The following SERGEF variants were observed in gnomAD, a reference collection of about 807,000 sequenced individuals.
The protein encoded by SERGEF is secretion-regulating guanine nucleotide exchange factor.
SERGEF carries 51 observed loss-of-function variants against 50.0 expected under a neutral mutation model. The observed-to-expected ratio is 1.02, with a 90% CI of 0.81 to 1.29. The LOEUF (loss-of-function observed/expected upper bound fraction) is 1.29. SERGEF is among the 50% of genes most tolerant of loss of function. SERGEF has a pLI of 0.00. For synonymous variants in SERGEF, 205 were observed against 212.4 expected (o/e 0.97, Z 0.30); for missense variants, 521 against 557.0 (o/e 0.94, Z 0.65).
At chr11:18,001,539 C>T (rs79936564) in intron 4 of SERGEF, among the ~76,000 whole-genome samples, 3 of 152,276 alleles carry the variant, frequency 2.0e-5, no homozygotes, top group East Asian at 1.9e-4. Flanking sequence ...TACAGGTCCA[C>T]GGAGATTGCA....
chr11:18,008,556 T>C (rs542803812), intron 1 of SERGEF, among the ~76,000 whole-genome samples: 3 of 152,340 alleles, frequency 2.0e-5, no homozygotes, highest in South Asian at 4.1e-4. Flanking sequence ...TATGAGGTCC[T>C]TGGCCTAGCC....
chr11:17,961,068 A>G (rs1454711971), intron 8 of SERGEF, among the ~76,000 whole-genome samples: 5 of 152,190 alleles, frequency 3.3e-5, no homozygotes, highest in Non-Finnish European at 5.9e-5. Context: ...AGAAAGGGTG[A>G]AAGTCACCCT....
chr11:17,883,355 C>T (rs1851371653), intron 9 of SERGEF, among the ~76,000 whole-genome samples: 1 of 152,210 alleles, frequency 6.6e-6, no homozygotes, highest in Admixed American at 6.5e-5. Context: ...TGCTTGCCAA[C>T]TGTTGGATGT....
chr11:17,904,932 C>T (rs1330089624), intron 9 of SERGEF, among the ~76,000 whole-genome samples: 1 of 152,218 alleles, frequency 6.6e-6, no homozygotes, highest in African/African-American at 2.4e-5. Flanking sequence ...ATGGGTTCAT[C>T]TGTTTTTCCA....
At chr11:17,896,640 G>GGGGAAGGGAAGGGGAAC (rs1851635584) in intron 9 of SERGEF, among the ~76,000 whole-genome samples, 1 of 48,036 alleles carries the variant, frequency 2.1e-5, no homozygotes, top group Non-Finnish European at 4.4e-5. Context: ...GGGAAGGGAA[G>GGGGAAGGGAAGGGGAAC]GGGAAGGGAA....
At chr11:17,910,890 AGGGCC>A (rs1851939514) in intron 9 of SERGEF, among the ~76,000 whole-genome samples, 1 of 152,214 alleles carries the variant, frequency 6.6e-6, no homozygotes, top group African/African-American at 2.4e-5. Flanking sequence ...GGTGGCCAGG[AGGGCC>A]TCGTGGCTCA....
chr11:17,984,235 A>G (rs1034414204), intron 8 of SERGEF, among the ~76,000 whole-genome samples: 1 of 152,158 alleles, frequency 6.6e-6, no homozygotes, highest in Non-Finnish European at 1.5e-5. Flanking sequence ...TAAAGAGAAG[A>G]GGTTTAATTG....
chr11:17,935,170 T>C (rs1213700981), intron 9 of SERGEF, among the ~76,000 whole-genome samples: 1 of 151,908 alleles, frequency 6.6e-6, no homozygotes. Context: ...TAAAATAAAA[T>C]AAAATAAAAT....
rs749913415 is a variant in SERGEF at position 17,992,883 on chromosome 11, T to G, written c.685+48A>C. 12 of 1,498,724 alleles carry G rather than the reference T, an allele frequency of 8.0e-6. No individual in the cohort carries two copies. The East Asian group carries it at 2.5e-4, about 31-fold the overall frequency. 92.8% of individuals were successfully genotyped at this position (1,498,724 alleles called of 1,614,324 possible). On this transcript the variant is annotated intron_variant, in intron 7 of 10. Transcript: ENST00000265965. The stretch of plus-strand genomic sequence containing the variant: ...AATATCACCACTTCAGGCAGTCACA[T>G]ACAGAATCCTGAATGGCATGTTAAA...
intron 9 of SERGEF, among the ~76,000 whole-genome samples, chr11:17,938,223 G>A (rs924214790): frequency 3.3e-5 from 5 of 152,192 alleles, no homozygotes; most frequent in African/African-American, 1.2e-4. Flanking sequence ...GGAAAGGAAA[G>A]GAGGAGTCAG....
intron 9 of SERGEF, among the ~76,000 whole-genome samples, chr11:17,900,705 G>C: frequency 6.6e-6 from 1 of 152,168 alleles, no homozygotes; most frequent in Admixed American, 6.5e-5. Context: ...GTGTTACTAT[G>C]CCAGTTATAA....
chr11:17,792,998 T>C (rs1287184189), intron 10 of SERGEF, among the ~76,000 whole-genome samples: 2 of 152,206 alleles, frequency 1.3e-5, no homozygotes, highest in African/African-American at 2.4e-5. Flanking sequence ...ACACATATTA[T>C]AGACTATGGC....
intron 10 of SERGEF, chr11:17,877,887 C>A: frequency 4.3e-6 from 1 of 231,486 alleles, no homozygotes. Flanking sequence ...AGAAGCAGTC[C>A]AATCATTCTT....
At chr11:17,948,080 C>T (rs954858891) in intron 9 of SERGEF, among the ~76,000 whole-genome samples, 10 of 151,700 alleles carry the variant, frequency 6.6e-5, no homozygotes, top group Admixed American at 2.0e-4. Context: ...ACTACAGGTA[C>T]ACATCGCCAT....
intron 10 of SERGEF, among the ~76,000 whole-genome samples, chr11:17,861,713 A>T (rs949382443): frequency 6.6e-5 from 10 of 152,244 alleles, no homozygotes; most frequent in Non-Finnish European, 1.2e-4. Context: ...GGAAGAGAAA[A>T]GGGCTGGCTT....
In SERGEF at chr11:17,798,855, C is replaced by A. The variant is rs144625422; in HGVS notation, c.1049-10442G>T. On this transcript the variant is annotated intron_variant, in intron 10 of 10. Coordinates refer to ENST00000265965, the MANE Select transcript of SERGEF (RefSeq NM_012139.4). ...CTCTGGGAAGAAGATATTTTGGTCA[C>A]ACTCTGTGGATGAGGAAACAGGCTG... is the stretch of plus-strand genomic sequence containing the variant. 4.4e-3 allele frequency among the ~76,000 whole-genome samples: 671 copies of A among 152,314 alleles called. 9 individuals are homozygous for A. The highest frequency in any genetic ancestry group is 0.016 in the African/African-American group (650 of 41,574).
chr11:17,958,310 G>T (rs1274488225), intron 9 of SERGEF, among the ~76,000 whole-genome samples: 1 of 151,946 alleles, frequency 6.6e-6, no homozygotes, highest in Non-Finnish European at 1.5e-5. Flanking sequence ...AATTTTTTTT[G>T]ACTGACTCTG....
chr11:17,859,816 G>T (rs1274191783), intron 10 of SERGEF, among the ~76,000 whole-genome samples: 1 of 152,194 alleles, frequency 6.6e-6, no homozygotes, highest in Non-Finnish European at 1.5e-5. Context: ...TGCCAACCTA[G>T]ATTTCTACAA....
At chr11:17,959,361 C>T in intron 9 of SERGEF, 109 bp downstream of exon 9, 8 of 999,874 alleles carry the variant, frequency 8.0e-6, no homozygotes, top group Non-Finnish European at 1.0e-5. Context: ...CTTCTGATTC[C>T]TACATGGTAC....
Sources: allele counts gnomAD v4.1 joint callset (sites outside exome capture counted in the v4.1 genomes callset), GRCh38; gene constraint gnomAD v4.1.1; transcripts MANE v1.5; gene names NCBI Gene and HGNC (gene_info 2026-07-23, HGNC 2026-07-21).